KDM6A: variants seen among roughly 807,000 people sequenced by gnomAD.
KDM6A encodes lysine demethylase 6A, also known as lysine-specific demethylase 6A.
KDM6A carries 11 observed loss-of-function variants against 117.6 expected under a neutral mutation model. That is an observed-to-expected ratio of 0.09 (90% CI 0.06 to 0.15). KDM6A has a LOEUF of 0.15. Ranked by LOEUF, KDM6A falls within the 10% of genes least tolerant of loss-of-function variation. The pLI, the probability that KDM6A is intolerant of heterozygous loss-of-function variation, is 1.00. For missense variants in KDM6A, 799 were observed against 1,077.3 expected, an observed-to-expected ratio of 0.74 and a Z score of 3.62; for synonymous variants, 384 against 396.1, an observed-to-expected ratio of 0.97 and a Z score of 0.36.
chrX:44,963,749 T>C (rs753450330), intron 3 of KDM6A, among the ~76,000 whole-genome samples: 2 of 110,263 alleles, frequency 1.8e-5, no homozygotes, highest in Non-Finnish European at 3.8e-5. Context: ...AGACCTCAAA[T>C]GTTCTTGTTG....
At chrX:44,879,629 G>A (rs1279427538) in intron 2 of KDM6A, among the ~76,000 whole-genome samples, 1 of 112,147 alleles carries the variant, frequency 8.9e-6, no homozygotes, top group Non-Finnish European at 1.9e-5. Flanking sequence ...TTTCTTGCCC[G>A]TGTTGAACTT....
intron 2 of KDM6A, among the ~76,000 whole-genome samples, chrX:44,946,278 A>C (rs1469298116): frequency 9.0e-6 from 1 of 110,988 alleles, no homozygotes; most frequent in Non-Finnish European, 1.9e-5. Context: ...TTTAGTAGAG[A>C]TAGGGTTTCA....
At chrX:44,987,075 C>G (rs1039697936) in intron 4 of KDM6A, among the ~76,000 whole-genome samples, 2 of 111,451 alleles carry the variant, frequency 1.8e-5, no homozygotes, top group African/African-American at 6.5e-5. Context: ...TAAGGACTTG[C>G]TTTATGAATC....
At chrX:45,054,310 A>G (rs2043976394) in intron 10 of KDM6A, among the ~76,000 whole-genome samples, 1 of 111,726 alleles carries the variant, frequency 9.0e-6, no homozygotes, top group African/African-American at 3.3e-5. Context: ...CTGTTTTATA[A>G]AACAGAGGAT....
chrX:44,876,777 TA>T, intron 2 of KDM6A, among the ~76,000 whole-genome samples: 1 of 110,292 alleles, frequency 9.1e-6, no homozygotes, highest in East Asian at 2.8e-4. Flanking sequence ...ATTTGTATGT[TA>T]AAAAAAACTC....
intron 2 of KDM6A, among the ~76,000 whole-genome samples, chrX:44,912,408 A>G (rs925273137): frequency 2.7e-5 from 3 of 111,893 alleles, no homozygotes; most frequent in South Asian, 3.7e-4. Flanking sequence ...ACTTTTAAAC[A>G]GTGTTTATTA....
At chrX:45,002,656 C>G (rs1158307396) in intron 4 of KDM6A, among the ~76,000 whole-genome samples, 2 of 111,784 alleles carry the variant, frequency 1.8e-5, no homozygotes, top group Non-Finnish European at 3.8e-5. Context: ...ATTCAGGAGG[C>G]CTAATTACTT....
chrX:45,035,055 T>C, intron 7 of KDM6A, 70 bp downstream of exon 7: 1 of 865,855 alleles, frequency 1.2e-6, no homozygotes. Flanking sequence ...ACAATAATGT[T>C]AGTGATAAAT....
intron 21 of KDM6A, among the ~76,000 whole-genome samples, chrX:45,079,604 C>A (rs2045307966): frequency 8.9e-6 from 1 of 111,875 alleles, no homozygotes; most frequent in South Asian, 3.7e-4. Flanking sequence ...AGCGCAGTGG[C>A]ACGATCTTGG....
At chrX:44,957,130 CA>C (rs761297343) in intron 2 of KDM6A, among the ~76,000 whole-genome samples, 5 of 105,989 alleles carry the variant, frequency 4.7e-5, no homozygotes, top group African/African-American at 6.9e-5. Context: ...AACCCCATCT[CA>C]AAAAAAAATA....
intron 4 of KDM6A, among the ~76,000 whole-genome samples, chrX:45,004,658 G>A (rs2041337017): frequency 1.8e-5 from 2 of 110,741 alleles, no homozygotes; most frequent in South Asian, 3.9e-4. Context: ...TTTCGGGTTC[G>A]GGGTACTGAC....
At chrX:45,001,325 T>C in intron 4 of KDM6A, among the ~76,000 whole-genome samples, 1 of 111,756 alleles carries the variant, frequency 8.9e-6, no homozygotes, top group Non-Finnish European at 1.9e-5. Context: ...GCTGTCCTTC[T>C]AGTAAAATGT....
chrX:45,001,074 A>G (rs1238581114), intron 4 of KDM6A, among the ~76,000 whole-genome samples: 2 of 112,105 alleles, frequency 1.8e-5, no homozygotes, highest in African/African-American at 6.5e-5. Flanking sequence ...TTGTCGTTAG[A>G]TGGAGGAGGA....
intron 2 of KDM6A, among the ~76,000 whole-genome samples, chrX:44,947,563 A>G (rs2037722241): frequency 9.1e-6 from 1 of 109,335 alleles, no homozygotes; most frequent in African/African-American, 3.3e-5. Flanking sequence ...TTTTTAGTAG[A>G]GACAGGGTTT....
At chrX:44,937,673 A>G (rs917374862) in intron 2 of KDM6A, among the ~76,000 whole-genome samples, 1 of 111,604 alleles carries the variant, frequency 9.0e-6, no homozygotes. Context: ...GAGACACAGT[A>G]TTGAAATTAG....
At chrX:44,904,147 TAA>T (rs2034515903) in intron 2 of KDM6A, among the ~76,000 whole-genome samples, 1 of 112,447 alleles carries the variant, frequency 8.9e-6, no homozygotes, top group Non-Finnish European at 1.9e-5. Flanking sequence ...AATTAATTTT[TAA>T]AAGTCTGTGT....
chrX:45,059,687 TG>T (rs1366262051), intron 12 of KDM6A, among the ~76,000 whole-genome samples: 2 of 112,252 alleles, frequency 1.8e-5, no homozygotes, highest in East Asian at 5.6e-4. Context: ...ACTCTGTTGA[TG>T]CATATTAATT....
intron 10 of KDM6A, among the ~76,000 whole-genome samples, chrX:45,057,208 A>G (rs1469974746): frequency 9.0e-6 from 1 of 111,495 alleles, no homozygotes; most frequent in African/African-American, 3.3e-5. Context: ...AACATCTCCT[A>G]TTCTTTACTT....
intron 2 of KDM6A, among the ~76,000 whole-genome samples, chrX:44,904,449 T>C (rs1259891245): frequency 8.9e-6 from 1 of 112,186 alleles, no homozygotes; most frequent in South Asian, 3.7e-4. Flanking sequence ...TTAAAACTCT[T>C]ACAGACATCT....
Sources: allele counts gnomAD v4.1 joint callset (sites outside exome capture counted in the v4.1 genomes callset), GRCh38; gene constraint gnomAD v4.1.1; transcripts MANE v1.5; gene names NCBI Gene and HGNC (gene_info 2026-07-23, HGNC 2026-07-21).